Variants in OR2AG1 observed in about 807,000 individuals in gnomAD.
OR2AG1 encodes the protein olfactory receptor 2AG1.
For missense variants in OR2AG1, 391 were observed against 385.9 expected (o/e 1.01, Z -0.11); for synonymous variants, 157 against 155.6 (o/e 1.01, Z -0.07).
At position 6,789,229 on chromosome 11, in the gene OR2AG1, C is replaced by T. The variant is rs1847662975; in HGVS notation, c.*3241C>T. The T allele has an allele frequency of 6.6e-6, 1 of 152,146 alleles. No homozygotes were observed. Among genetic ancestry groups the T allele is most frequent in the East Asian group, 1.9e-4 (1 of 5,200 alleles). The allele number at this position is 152,146 out of a possible 1,614,324, so 9.4% of individuals were successfully genotyped here. A position where few individuals can be genotyped will look rare whatever the true frequency, so the allele number is the denominator to read the frequency against. The stretch of plus-strand genomic sequence containing the variant: ...TCAGCAACATTGATATAATTGACCT[C>T]ACCCTTCTGTTGGGAAATTTTTCTT... On this transcript the variant is annotated 3_prime_UTR_variant, in exon 2 of 2. Coordinates refer to ENST00000641258, the MANE Select transcript of OR2AG1 (RefSeq NM_001004489.3).
At position 6,786,059 on chromosome 11, in the gene OR2AG1, C is replaced by G. The variant is rs11824229; in HGVS notation, c.*71C>G. Reference sequence around the variant, plus strand: ...AAAGATTCATGTTATGAATCAAATACTAATGGTAAAACCAATACAGTGCAG... The same window carrying G: ...AAAGATTCATGTTATGAATCAAATAGTAATGGTAAAACCAATACAGTGCAG... On this transcript the variant is annotated 3_prime_UTR_variant, in exon 2 of 2. Coordinates refer to ENST00000641258, the MANE Select transcript of OR2AG1 (RefSeq NM_001004489.3). 2.8e-3 allele frequency: 3,404 copies of G among 1,232,148 alleles called. 64 individuals are homozygous for G. In the African/African-American group the frequency reaches 0.045, roughly 16 times the overall value. The allele number at this position is 1,232,148 out of a possible 1,614,324, so 76.3% of individuals were successfully genotyped here. A position where few individuals can be genotyped will look rare whatever the true frequency, so the allele number is the denominator to read the frequency against.
intron 1 of OR2AG1, 129 bp downstream of exon 1, chr11:6,783,600 G>A (rs749914645): frequency 1.3e-5 from 2 of 152,138 alleles, no homozygotes; most frequent in Non-Finnish European, 2.9e-5. Flanking sequence ...ATAATGTTTG[G>A]GCTTCATAGC....
Position 6,790,856 on chromosome 11 carries a change from C to T in OR2AG1, c.*4868C>T, listed in dbSNP as rs1847682404. 1 of 152,258 alleles carries T rather than the reference C, an allele frequency of 6.6e-6. No homozygotes were observed. Among genetic ancestry groups the T allele is most frequent in the Non-Finnish European group, 1.5e-5 (1 of 68,066 alleles). 9.4% of individuals were successfully genotyped at this position (152,258 alleles called of 1,614,324 possible). A position where few individuals can be genotyped will look rare whatever the true frequency, so the allele number is the denominator to read the frequency against. On this transcript the variant is annotated 3_prime_UTR_variant, in exon 2 of 2. Transcript: ENST00000641258. Reference sequence around the variant, plus strand: ...TCAGTGACAAGAGGCCCCACCACTGCTTTGGACTCCAGGAAGCACTCAGAC... The same window carrying T: ...TCAGTGACAAGAGGCCCCACCACTGTTTTGGACTCCAGGAAGCACTCAGAC...
chr11:6,785,476 AC>A lies in OR2AG1; in HGVS notation c.440del (p.Thr147SerfsTer8). ...AAGAGCCTGCTGGCTCATGGTGGCC[AC>A]GTCCTGGATCCTGGCATCCCTAAGT... ...SSRACWLMVATSWILASLSAL... is the reference protein window; with the variant it reads ...SSRACWLMVAXSWILASLSAL... On this transcript the variant is annotated frameshift_variant, in exon 2 of 2. Transcript: ENST00000641258. LOFTEE classifies it low-confidence loss of function (END_TRUNC). The A allele has an allele frequency of 6.2e-7, 1 of 1,614,128 alleles. No homozygotes were observed. The highest frequency in any genetic ancestry group is 8.5e-7 in the Non-Finnish European group (1 of 1,180,008).
rs1219060116 is a variant in OR2AG1, at chr11:6,790,006, A to C, written c.*4018A>C. 1 of 152,238 alleles carries C rather than the reference A, an allele frequency of 6.6e-6. No individual in the cohort carries two copies. The highest frequency in any genetic ancestry group is 1.5e-5 in the Non-Finnish European group (1 of 68,042). 9.4% of individuals were successfully genotyped at this position (152,238 alleles called of 1,614,324 possible). A position where few individuals can be genotyped will look rare whatever the true frequency, so the allele number is the denominator to read the frequency against. ...AATATTGGAAACAACCTAAGAGTCT[A>C]TCAACAGACCAATGGATAAAGAAAA... On this transcript the variant is annotated 3_prime_UTR_variant, in exon 2 of 2. Transcript: ENST00000641258.
rs926149668 is a variant in OR2AG1, at chr11:6,787,334, C to T, written c.*1346C>T. Reference sequence around the variant, plus strand: ...AGCGTACAGAAGTTAGAATTGAATACACCCCACTTATTTCTATAACTTTTA... The same window carrying T: ...AGCGTACAGAAGTTAGAATTGAATATACCCCACTTATTTCTATAACTTTTA... On this transcript the variant is annotated 3_prime_UTR_variant, in exon 2 of 2. Transcript: ENST00000641258. 6 of 152,240 alleles carry T rather than the reference C, an allele frequency of 3.9e-5. No homozygotes were observed. The East Asian group carries it at 1.2e-3, about 29-fold the overall frequency. 9.4% of individuals were successfully genotyped at this position (152,240 alleles called of 1,614,324 possible).
chr11:6,785,577 G>A lies in OR2AG1; in HGVS notation c.540G>A (p.Glu180=). The A allele has an allele frequency of 6.2e-7, 1 of 1,614,158 alleles. No individual in the cohort carries two copies. Among genetic ancestry groups the A allele is most frequent in the Non-Finnish European group, 8.5e-7 (1 of 1,180,016 alleles). The change falls in exon 2 of 2, where the codon GAG becomes GAA. Residue 180 remains glutamate (E), a synonymous_variant. Coordinates refer to ENST00000641258, the MANE Select transcript of OR2AG1 (RefSeq NM_001004489.3). ...RAQEIRHLLC[E]IPHLLKVACA... ...AGGAGATCAGGCATCTTCTCTGTGA[G>A]ATCCCACACTTGCTGAAGGTGGCCT...
Position 6,786,226 on chromosome 11 carries a change from A to C in OR2AG1, c.*238A>C. 2.4e-6 allele frequency: 1 copy of C among 416,854 alleles called. No homozygotes were observed. Among genetic ancestry groups the C allele is most frequent in the South Asian group, 6.6e-5 (1 of 15,252 alleles). 25.8% of individuals were successfully genotyped at this position (416,854 alleles called of 1,614,324 possible). ...TCACTCTATTTAAAATTTAATCTTTATTTTCCCAGGAAGGTATTTAGTTAA... is the reference window on the plus strand; with the variant it reads ...TCACTCTATTTAAAATTTAATCTTTCTTTTCCCAGGAAGGTATTTAGTTAA... On this transcript the variant is annotated 3_prime_UTR_variant, in exon 2 of 2. Transcript: ENST00000641258.
Position 6,785,699 on chromosome 11 carries a change from T to A in OR2AG1, c.662T>A (p.Ile221Asn), listed in dbSNP as rs114935721. Residue 221 changes from isoleucine to asparagine, a missense_variant, in exon 2 of 2, where the codon ATT becomes AAT. Ile to Asn is a moderately radical substitution (Grantham distance 149, BLOSUM62 -3). Coordinates refer to ENST00000641258, the MANE Select transcript of OR2AG1 (RefSeq NM_001004489.3). The stretch of plus-strand genomic sequence containing the variant: ...GCTATACTGGCCTCCTATACACAAA[T>A]TCTACTCACTGTGCTCCATATGCCA... The part of the protein sequence containing the change: ...LAAILASYTQ[I>N]LLTVLHMPSN... 5.6e-4 allele frequency: 906 copies of A among 1,614,138 alleles called. 5 individuals are homozygous for A. The African/African-American group carries it at 7.9e-3, about 14-fold the overall frequency.
rs1205479969 is a variant in OR2AG1 at position 6,787,960 on chromosome 11, A to C, written c.*1972A>C. 1 of 152,154 alleles carries C rather than the reference A, an allele frequency of 6.6e-6. No homozygotes were observed. Among genetic ancestry groups the C allele is most frequent in the Non-Finnish European group, 1.5e-5 (1 of 68,022 alleles). 9.4% of individuals were successfully genotyped at this position (152,154 alleles called of 1,614,324 possible). ...AGTCTTCACTAATTGATAAGGTATA[A>C]AATTTGCCTATTTTAATTTGCTTAA... On this transcript the variant is annotated 3_prime_UTR_variant, in exon 2 of 2. Transcript: ENST00000641258.
rs2659880 is a variant in OR2AG1, at chr11:6,785,596, G to A, written c.559G>A (p.Val187Met). ...LLCEIPHLLK[V>M]ACADTSRYEL... The stretch of plus-strand genomic sequence containing the variant: ...CTGTGAGATCCCACACTTGCTGAAG[G>A]TGGCCTGTGCTGATACCTCCAGATA... Residue 187 changes from valine (V) to methionine (M), a missense_variant, in exon 2 of 2, where the codon GTG becomes ATG. Coordinates refer to ENST00000641258, the MANE Select transcript of OR2AG1 (RefSeq NM_001004489.3). 1.9e-6 allele frequency: 3 copies of A among 1,613,880 alleles called. No homozygotes were observed. The highest frequency in any genetic ancestry group is 3.3e-5 in the Admixed American group (2 of 59,986).
In OR2AG1 at chr11:6,787,782, T is replaced by C. The variant is rs1847644173; in HGVS notation, c.*1794T>C. On this transcript the variant is annotated 3_prime_UTR_variant, in exon 2 of 2. Coordinates refer to ENST00000641258, the MANE Select transcript of OR2AG1 (RefSeq NM_001004489.3). ...TATAGAAAATTCCTATGAGTGAAAT[T>C]ACTCGAACCAAGGTTAAAAATCTGT... is the stretch of plus-strand genomic sequence containing the variant. The C allele has an allele frequency of 6.6e-6, 1 of 152,032 alleles. No individual in the cohort carries two copies. The highest frequency in any genetic ancestry group is 1.5e-5 in the Non-Finnish European group (1 of 67,978). The allele number at this position is 152,032 out of a possible 1,614,324, so 9.4% of individuals were successfully genotyped here. A position where few individuals can be genotyped will look rare whatever the true frequency, so the allele number is the denominator to read the frequency against.
Position 6,789,514 on chromosome 11 carries a change from G to C in OR2AG1, c.*3526G>C, listed in dbSNP as rs1282179100. 6.6e-6 allele frequency: 1 copy of C among 152,326 alleles called. No homozygotes were observed. Among genetic ancestry groups the C allele is most frequent in the South Asian group, 2.1e-4 (1 of 4,836 alleles). The allele number at this position is 152,326 out of a possible 1,614,324, so 9.4% of individuals were successfully genotyped here. A position where few individuals can be genotyped will look rare whatever the true frequency, so the allele number is the denominator to read the frequency against. ...CAGACTCAAAAAATTAGCCGGGTGT[G>C]ATGGTGGATGCCTGTAATTCCAGCT... On this transcript the variant is annotated 3_prime_UTR_variant, in exon 2 of 2. Coordinates refer to ENST00000641258, the MANE Select transcript of OR2AG1 (RefSeq NM_001004489.3).
Position 6,785,214 on chromosome 11 carries a change from G to A in OR2AG1, c.177G>A (p.Met59Ile). The change falls in exon 2 of 2, where the codon ATG becomes ATA. Residue 59 changes from methionine to isoleucine, a missense_variant. Met to Ile is a conservative substitution (Grantham distance 10, BLOSUM62 1). Transcript: ENST00000641258. ...ITMEARLHMP[M>I]YLLLGQLSLM... is the part of the protein sequence containing the mutation. ...TGGAAGCCCGGCTCCACATGCCCATGTACCTCCTGCTTGGGCAGCTCTCTC... is the reference window on the plus strand; with the variant it reads ...TGGAAGCCCGGCTCCACATGCCCATATACCTCCTGCTTGGGCAGCTCTCTC... The A allele has an allele frequency of 6.2e-7, 1 of 1,614,154 alleles. No homozygotes were observed. Among genetic ancestry groups the A allele is most frequent in the South Asian group, 1.1e-5 (1 of 91,074 alleles).
chr11:6,786,110 A>G lies in OR2AG1; in HGVS notation c.*122A>G. 2.7e-6 allele frequency: 2 copies of G among 749,830 alleles called. No individual in the cohort carries two copies. Among genetic ancestry groups the G allele is most frequent in the Admixed American group, 6.0e-5 (2 of 33,242 alleles). The allele number at this position is 749,830 out of a possible 1,614,324, so 46.4% of individuals were successfully genotyped here. A position where few individuals can be genotyped will look rare whatever the true frequency, so the allele number is the denominator to read the frequency against. ...AGTATAGCATTTAATAGAAAAGTGA[A>G]GGAATGTAACTGGATTTGTCAAATG... On this transcript the variant is annotated 3_prime_UTR_variant, in exon 2 of 2. Coordinates refer to ENST00000641258, the MANE Select transcript of OR2AG1 (RefSeq NM_001004489.3).
At position 6,785,279 on chromosome 11, in the gene OR2AG1, C is replaced by T. The variant is rs1847611927; in HGVS notation, c.242C>T (p.Ala81Val). The change falls in exon 2 of 2, where the codon GCC becomes GTC. Residue 81 changes from alanine to valine, a missense_variant. Transcript: ENST00000641258. ...TTCACATCTGTTGTCACTCCCAAGG[C>T]CCTTGCGGACTTTCTGCGCAGAGAA... ...LLFTSVVTPK[A>V]LADFLRRENT... The T allele has an allele frequency of 6.2e-7, 1 of 1,614,144 alleles. No individual in the cohort carries two copies. Among genetic ancestry groups the T allele is most frequent in the Non-Finnish European group, 8.5e-7 (1 of 1,179,998 alleles).
At chr11:6,784,280 CT>C (rs1248686480) in intron 1 of OR2AG1, among the ~76,000 whole-genome samples, 1 of 152,172 alleles carries the variant, frequency 6.6e-6, no homozygotes, top group African/African-American at 2.4e-5. Flanking sequence ...ACATCCTGAT[CT>C]TCCTAGGAAA....
At chr11:6,784,726 G>C (rs115778845) in intron 1 of OR2AG1, among the ~76,000 whole-genome samples, 1 of 152,198 alleles carries the variant, frequency 6.6e-6, no homozygotes, top group Admixed American at 6.5e-5. Context: ...TTAATCTTAA[G>C]AGAAAGATAA....
Position 6,790,742 on chromosome 11 carries a change from T to C in OR2AG1, c.*4754T>C, listed in dbSNP as rs1564903754. 1 of 152,266 alleles carries C rather than the reference T, an allele frequency of 6.6e-6. No individual in the cohort carries two copies. The highest frequency in any genetic ancestry group is 1.9e-4 in the East Asian group (1 of 5,178). The allele number at this position is 152,266 out of a possible 1,614,324, so 9.4% of individuals were successfully genotyped here. On this transcript the variant is annotated 3_prime_UTR_variant, in exon 2 of 2. Coordinates refer to ENST00000641258, the MANE Select transcript of OR2AG1 (RefSeq NM_001004489.3). ...ACAAATTAGATGAGACGACTTGCAG[T>C]GTAGAGCCCTCTAGGCTTTCAGCCT...
Sources: gnomAD v4.1 joint callset for allele counts (sites outside exome capture counted in the v4.1 genomes callset) on GRCh38, gnomAD v4.1.1 for gene constraint, MANE v1.5 for transcripts, NCBI Gene and HGNC (gene_info 2026-07-23, HGNC 2026-07-21) for gene names.